MAP4: variants seen among roughly 807,000 people sequenced by gnomAD.
The protein encoded by MAP4 is microtubule associated protein 4, also known as microtubule-associated protein 4.
In MAP4, 76 loss-of-function variants were observed where a neutral mutation model predicts 170.2. The observed-to-expected ratio is 0.45, with a 90% CI of 0.37 to 0.54. The LOEUF (loss-of-function observed/expected upper bound fraction) is 0.54. Ranked by LOEUF, MAP4 falls within the 20% of genes least tolerant of loss-of-function variation. The pLI is 0.00. For missense variants in MAP4, 2,506 were observed against 2,748.0 expected (o/e 0.91, Z 1.97); for synonymous variants, 909 against 994.5 (o/e 0.91, Z 1.62).
upstream of MAP4, among the ~76,000 whole-genome samples, chr3:48,019,513 G>T (rs1455651708): frequency 6.6e-6 from 1 of 152,124 alleles, no homozygotes; most frequent in African/African-American, 2.4e-5. Flanking sequence ...ATGACTTAGT[G>T]CTGAGGAGAT....
intron 2 of MAP4, among the ~76,000 whole-genome samples, chr3:47,980,251 T>C (rs1032762763): frequency 6.6e-6 from 1 of 152,182 alleles, no homozygotes; most frequent in African/African-American, 2.4e-5. Flanking sequence ...AATTTGGGGA[T>C]TGACTATATA....
chr3:48,068,264 CAAAAAAAA>C (rs34691079), intron 1 of MAP4, among the ~76,000 whole-genome samples: 1 of 106,728 alleles, frequency 9.4e-6, no homozygotes, highest in Non-Finnish European at 1.9e-5. Context: ...GATTCTGTCT[CAAAAAAAA>C]AAAAAAAAAA....
At chr3:48,024,457 G>A (rs1016027217) in intron 1 of MAP4, among the ~76,000 whole-genome samples, 2 of 152,174 alleles carry the variant, frequency 1.3e-5, no homozygotes, top group African/African-American at 4.8e-5. Flanking sequence ...ATGTGAGTGG[G>A]TTCTAGACAG....
chr3:48,074,676 T>TTTTGTGTGTGTGTG (rs746281743), intron 1 of MAP4, among the ~76,000 whole-genome samples: 6,316 of 90,570 alleles, frequency 0.07, 832 homozygotes, highest in South Asian at 0.092. Context: ...ATCCAGCTAA[T>TTTTGTGTGTGTGTG]TGTGTGTGTG....
chr3:48,035,927 G>A (rs1456124270), intron 1 of MAP4, among the ~76,000 whole-genome samples: 2 of 152,018 alleles, frequency 1.3e-5, no homozygotes, highest in East Asian at 1.9e-4. Context: ...GCGACAGAGC[G>A]AGACTCCATC....
intron 3 of MAP4, among the ~76,000 whole-genome samples, chr3:47,933,038 G>A (rs972367896): frequency 2.0e-5 from 3 of 152,088 alleles, no homozygotes; most frequent in Non-Finnish European, 4.4e-5. Context: ...GAGTAGCTGG[G>A]ACTACAGGTG....
intron 3 of MAP4, among the ~76,000 whole-genome samples, chr3:47,967,518 G>A (rs539252452): frequency 6.6e-6 from 1 of 152,264 alleles, no homozygotes; most frequent in African/African-American, 2.4e-5. Context: ...TGGGCATGGC[G>A]GCAGGCGCCT....
At chr3:48,062,233 CCA>C (rs2100136007) in intron 1 of MAP4, among the ~76,000 whole-genome samples, 1 of 152,084 alleles carries the variant, frequency 6.6e-6, no homozygotes, top group Admixed American at 6.5e-5. Context: ...TGTGCTGTGT[CCA>C]CTCAGGGTTA....
intron 17 of MAP4, among the ~76,000 whole-genome samples, chr3:47,864,265 G>T (rs2075321771): frequency 6.6e-6 from 1 of 152,128 alleles, no homozygotes; most frequent in South Asian, 2.1e-4. Context: ...TTTGGGACTG[G>T]GCGCAGTAGC....
chr3:47,858,586 GGTGTGTGTGTGTGT>G (rs59208724), intron 17 of MAP4, among the ~76,000 whole-genome samples: 1 of 145,180 alleles, frequency 6.9e-6, no homozygotes, highest in Non-Finnish European at 1.5e-5. Flanking sequence ...GTGAGGGGGT[GGTGTGTGTGTGTGT>G]GTGTGTGTGT....
At chr3:47,893,997 T>C (rs938621011) in intron 10 of MAP4, among the ~76,000 whole-genome samples, 4 of 152,044 alleles carry the variant, frequency 2.6e-5, no homozygotes, top group Admixed American at 1.3e-4. Flanking sequence ...GGATCAACCT[T>C]ATATACCTTT....
chr3:48,079,727 G>C (rs1272820462), intron 1 of MAP4, among the ~76,000 whole-genome samples: 1 of 152,070 alleles, frequency 6.6e-6, no homozygotes, highest in African/African-American at 2.4e-5. Context: ...AAGGCGGGCG[G>C]ATCAAGAGGT....
Position 47,871,080 on chromosome 3 carries a change from G to A in MAP4, c.6027C>T (p.Thr2009=). 4 of 1,608,714 alleles carry A rather than the reference G, an allele frequency of 2.5e-6. No homozygotes were observed. Among genetic ancestry groups the A allele is most frequent in the Non-Finnish European group, 3.4e-6 (4 of 1,176,002 alleles). The change falls in exon 15 of 21, where the codon ACC becomes ACT. Residue 2009 remains threonine, a synonymous_variant. Transcript: ENST00000683076. ...VPADLSRPKS[T]STSSMKKTTT... ...TGGTTTTCTTCATGGAACTGGTGGAGGTGCTCTTTGGGCGACTCAAGTCAG... is the reference window on the plus strand; with the variant it reads ...TGGTTTTCTTCATGGAACTGGTGGAAGTGCTCTTTGGGCGACTCAAGTCAG...
intron 9 of MAP4, among the ~76,000 whole-genome samples, chr3:47,906,501 T>C (rs1353631795): frequency 6.6e-6 from 1 of 151,804 alleles, no homozygotes; most frequent in Non-Finnish European, 1.5e-5. Context: ...CTGACCAACA[T>C]GGAGAAACCC....
intron 2 of MAP4, among the ~76,000 whole-genome samples, chr3:47,992,450 G>A (rs1018296937): frequency 1.3e-5 from 2 of 151,758 alleles, no homozygotes; most frequent in African/African-American, 4.8e-5. Context: ...TTTAGAGACG[G>A]GGTCTCTCTC....
intron 1 of MAP4, among the ~76,000 whole-genome samples, chr3:48,087,844 T>C (rs2100150129): frequency 6.6e-6 from 1 of 151,796 alleles, no homozygotes; most frequent in Non-Finnish European, 1.5e-5. Context: ...GGAGCAATAC[T>C]GTAACAGGAC....
chr3:48,086,444 G>C (rs2100149088), intron 1 of MAP4, among the ~76,000 whole-genome samples: 1 of 152,196 alleles, frequency 6.6e-6, no homozygotes, highest in Admixed American at 6.5e-5. Context: ...TTTGAGACCA[G>C]TCTGTCCAAC....
Position 47,973,598 on chromosome 3 carries a change from A to G in MAP4, c.292+4267T>C, listed in dbSNP as rs2100080095. 12 of 984,940 alleles carry G rather than the reference A, an allele frequency of 1.2e-5. 1 individual carries two copies. In the South Asian group the frequency reaches 5.2e-4, roughly 42 times the overall value. 61.0% of individuals were successfully genotyped at this position (984,940 alleles called of 1,614,324 possible). On this transcript the variant is annotated intron_variant, in intron 3 of 20. Transcript: ENST00000683076. ...AAAAAACAAATTTCAAACAAAAATA[A>G]GCATAACCAAATGGAAATAAAAGAA...
intron 2 of MAP4, among the ~76,000 whole-genome samples, chr3:47,979,773 T>C (rs2100084401): frequency 6.6e-6 from 1 of 151,764 alleles, no homozygotes; most frequent in African/African-American, 2.4e-5. Context: ...AAGTCTTAAA[T>C]AAGGTAATAT....
Sources: allele counts gnomAD v4.1 joint callset (sites outside exome capture counted in the v4.1 genomes callset), GRCh38; gene constraint gnomAD v4.1.1; transcripts MANE v1.5; gene names NCBI Gene and HGNC (gene_info 2026-07-23, HGNC 2026-07-21).